Variants in SUGCT observed in about 807,000 individuals in gnomAD.
SUGCT encodes succinyl-CoA:glutarate-CoA transferase.
A neutral mutation model predicts 55.0 loss-of-function variants in SUGCT; 41 were observed. The observed-to-expected ratio is 0.74, with a 90% confidence interval of 0.58 to 0.97. SUGCT has a LOEUF of 0.97. Among genes scored for constraint, SUGCT ranks in the 50% least tolerant of loss-of-function variants. The pLI, the probability that SUGCT is intolerant of heterozygous loss-of-function variation, is 0.00. For synonymous variants in SUGCT, 187 were observed against 200.4 expected, an observed-to-expected ratio of 0.93 and a Z score of 0.56; for missense variants, 568 against 547.8, an observed-to-expected ratio of 1.04 and a Z score of -0.37.
At chr7:40,561,688 CTTTTTTTTTTTT>C (rs777766517) in intron 12 of SUGCT, among the ~76,000 whole-genome samples, 12 of 100,162 alleles carry the variant, frequency 1.2e-4, no homozygotes, top group Non-Finnish European at 2.2e-4. Context: ...TAAGCCGAGT[CTTTTTTTTTTTT>C]TTTTTTTTTG....
chr7:40,879,857 T>C, the SUGCT span, among the ~76,000 whole-genome samples: 1 of 152,070 alleles, frequency 6.6e-6, no homozygotes, highest in African/African-American at 2.4e-5. Context: ...GTGGCAGACA[T>C]AAAAGGGCAA....
At chr7:40,167,769 C>A (rs187285415) in intron 1 of SUGCT, among the ~76,000 whole-genome samples, 3 of 152,166 alleles carry the variant, frequency 2.0e-5, no homozygotes, top group African/African-American at 2.4e-5. Context: ...AGAAACACAG[C>A]GGACACCCTG....
chr7:40,539,047 C>A (rs1157426449), intron 12 of SUGCT: 2 of 151,528 alleles, frequency 1.3e-5, no homozygotes, highest in African/African-American at 4.9e-5. Flanking sequence ...CCACTACATT[C>A]CAGCCTGGGC....
intron 12 of SUGCT, among the ~76,000 whole-genome samples, chr7:40,626,429 T>C (rs1187320749): frequency 6.6e-6 from 1 of 151,468 alleles, no homozygotes; most frequent in African/African-American, 2.4e-5. Flanking sequence ...TTTTTTTGTA[T>C]TTTTGGGAGA....
chr7:40,299,977 A>C (rs759281354), intron 8 of SUGCT, among the ~76,000 whole-genome samples: 4 of 152,184 alleles, frequency 2.6e-5, no homozygotes, highest in Non-Finnish European at 4.4e-5. Context: ...AAACTGACTA[A>C]ACCTGGCTTG....
At chr7:40,377,209 T>TTC (rs1562728838) in intron 9 of SUGCT, among the ~76,000 whole-genome samples, 21 of 9,332 alleles carry the variant, frequency 2.3e-3, no homozygotes, top group Non-Finnish European at 3.2e-3. Context: ...TTTTCTTTTC[T>TTC]TTTCTTTCTT....
At chr7:40,666,195 C>T (rs1337187330) in intron 12 of SUGCT, among the ~76,000 whole-genome samples, 1 of 151,598 alleles carries the variant, frequency 6.6e-6, no homozygotes, top group East Asian at 1.9e-4. Flanking sequence ...ACTAAAAATA[C>T]AAAAATTAGC....
In SUGCT at chr7:40,440,133, CTG is replaced by C. The variant is rs1411685243; in HGVS notation, c.817-9142_817-9141del. On this transcript the variant is annotated intron_variant, in intron 9 of 13. Transcript: ENST00000335693. ...TAAGCAAATGAGTCAAGTTTTTTGT[CTG>C]TGTGTGTGTGTTTTTTTTTTTTTTT... Among the ~76,000 whole-genome samples the C allele has an allele frequency of 7.5e-3, 686 of 91,476 alleles. 11 individuals carry two copies. The highest frequency in any genetic ancestry group is 0.023 in the African/African-American group (562 of 24,234). 60.0% of individuals were successfully genotyped at this position (91,476 alleles called of 152,430 possible).
chr7:40,234,212 A>G (rs1398031579), intron 6 of SUGCT, among the ~76,000 whole-genome samples: 1 of 152,220 alleles, frequency 6.6e-6, no homozygotes, highest in African/African-American at 2.4e-5. Context: ...ACCTAGAGTT[A>G]ACTGAAACTT....
At chr7:40,275,488 G>A (rs1792405519) in intron 8 of SUGCT, among the ~76,000 whole-genome samples, 1 of 152,154 alleles carries the variant, frequency 6.6e-6, no homozygotes, top group Non-Finnish European at 1.5e-5. Context: ...AATAGTGGGT[G>A]TAACACTATT....
intron 9 of SUGCT, among the ~76,000 whole-genome samples, chr7:40,319,926 G>A (rs1584670136): frequency 6.6e-6 from 1 of 150,892 alleles, no homozygotes; most frequent in Non-Finnish European, 1.5e-5. Flanking sequence ...GGGCTCAAGT[G>A]TTCCTAGTAG....
the SUGCT span, among the ~76,000 whole-genome samples, chr7:40,952,096 T>C: frequency 1.2e-4 from 19 of 152,296 alleles, no homozygotes; most frequent in African/African-American, 4.3e-4. Context: ...CTAAGTCTCT[T>C]TGTAGGTCTC....
chr7:40,164,071 C>T (rs1288990752), intron 1 of SUGCT, among the ~76,000 whole-genome samples: 4 of 151,614 alleles, frequency 2.6e-5, no homozygotes, highest in East Asian at 1.9e-4. Flanking sequence ...CTGTCCACCT[C>T]GGCCCCCCAA....
At position 40,483,384 on chromosome 7, in the gene SUGCT, TTTTG is replaced by T. The variant is rs1791162346; in HGVS notation, c.987-12896_987-12893del. On this transcript the variant is annotated intron_variant, in intron 11 of 13. Coordinates refer to ENST00000335693, the MANE Select transcript of SUGCT (RefSeq NM_001193313.2). ...TGCCTCCCCACAAATGTTAGTGTAG[TTTTG>T]TTTATTTAACACTTATATAGCACTT... 2.0e-5 allele frequency among the ~76,000 whole-genome samples: 3 copies of T among 152,170 alleles called. No individual in the cohort carries two copies. In the South Asian group the frequency reaches 6.2e-4, roughly 31 times the overall value.
intron 13 of SUGCT, among the ~76,000 whole-genome samples, chr7:40,854,202 TTATTA>T: frequency 6.6e-6 from 1 of 152,288 alleles, no homozygotes; most frequent in Non-Finnish European, 1.5e-5. Context: ...ATGTAACTTA[TTATTA>T]TATTTTTCCA....
At chr7:40,591,102 C>A (rs758639699) in intron 12 of SUGCT, among the ~76,000 whole-genome samples, 2 of 152,054 alleles carry the variant, frequency 1.3e-5, no homozygotes, top group Non-Finnish European at 2.9e-5. Flanking sequence ...GTGATTCCTC[C>A]GATGGATCTG....
chr7:40,762,897 A>G (rs990431332), intron 13 of SUGCT, among the ~76,000 whole-genome samples: 1 of 151,406 alleles, frequency 6.6e-6, no homozygotes, highest in Non-Finnish European at 1.5e-5. Context: ...ACTGCAACCT[A>G]TCCCTCCCAG....
chr7:40,858,189 A>C (rs539728978), intron 13 of SUGCT, among the ~76,000 whole-genome samples: 9 of 152,194 alleles, frequency 5.9e-5, no homozygotes, highest in Non-Finnish European at 1.3e-4. Flanking sequence ...ACAAGTTCTT[A>C]AGAAATGGTA....
chr7:40,732,095 A>T (rs967399164), intron 12 of SUGCT, among the ~76,000 whole-genome samples: 9 of 152,196 alleles, frequency 5.9e-5, no homozygotes, highest in Non-Finnish European at 1.5e-5. Context: ...ATTCTCTCAC[A>T]GTTCTGGAGG....
Sources: allele counts gnomAD v4.1 joint callset (sites outside exome capture counted in the v4.1 genomes callset), GRCh38; gene constraint gnomAD v4.1.1; transcripts MANE v1.5; gene names NCBI Gene and HGNC (gene_info 2026-07-23, HGNC 2026-07-21).